The following UBE2E3 variants were observed in gnomAD, a reference collection of about 807,000 sequenced individuals.
UBE2E3 encodes ubiquitin conjugating enzyme E2 E3, also known as ubiquitin-conjugating enzyme E2 E3.
In UBE2E3, 5 loss-of-function variants were observed where a neutral mutation model predicts 23.6. The ratio of observed to expected loss-of-function variants is 0.21; its 90% CI spans 0.11 to 0.44. The LOEUF (loss-of-function observed/expected upper bound fraction) is 0.44. Ranked by LOEUF, UBE2E3 falls within the 20% of genes least tolerant of loss-of-function variation. UBE2E3 has a pLI of 0.99. For missense variants in UBE2E3, 81 were observed against 249.8 expected (o/e 0.32, Z 4.55); for synonymous variants, 78 against 87.5 (o/e 0.89, Z 0.60).
intron 3 of UBE2E3, among the ~76,000 whole-genome samples, chr2:181,041,596 C>T (rs1686507060): frequency 6.6e-6 from 1 of 151,828 alleles, no homozygotes; most frequent in South Asian, 2.1e-4. Context: ...CACCACCATG[C>T]CAGGCTAATT....
At chr2:180,996,182 G>A (rs554117157) in intron 3 of UBE2E3, among the ~76,000 whole-genome samples, 1 of 152,222 alleles carries the variant, frequency 6.6e-6, no homozygotes, top group East Asian at 1.9e-4. Flanking sequence ...GACCTATTTG[G>A]TGTATAACAA....
intron 3 of UBE2E3, among the ~76,000 whole-genome samples, chr2:181,047,392 T>G (rs1192919065): frequency 6.6e-6 from 1 of 152,122 alleles, no homozygotes; most frequent in Non-Finnish European, 1.5e-5. Context: ...CAAATTTATA[T>G]CTATAGGACC....
At chr2:181,032,969 C>G (rs1302905965) in intron 3 of UBE2E3, among the ~76,000 whole-genome samples, 1 of 152,154 alleles carries the variant, frequency 6.6e-6, no homozygotes, top group Admixed American at 6.5e-5. Context: ...ATCCAACTTA[C>G]AAGGGATATG....
chr2:181,033,018 C>G (rs556211326), intron 3 of UBE2E3, among the ~76,000 whole-genome samples: 5 of 151,866 alleles, frequency 3.3e-5, no homozygotes, highest in African/African-American at 4.8e-5. Context: ...CACTGCTCAA[C>G]GAAATAAAAG....
Position 181,060,656 on chromosome 2 carries a change from T to C in UBE2E3, c.379-9T>C, listed in dbSNP as rs1687124037. ...ATTTTCCTTCTGTTTTTAATGTGAC[T>C]GTGCTTAGGTTACTTTCCGCACCAG... On this transcript the variant is annotated splice_polypyrimidine_tract_variant and intron_variant, in intron 4 of 5. Coordinates refer to ENST00000410062, the MANE Select transcript of UBE2E3 (RefSeq NM_006357.4). 1.3e-6 allele frequency: 2 copies of C among 1,586,244 alleles called. No homozygotes were observed. The highest frequency in any genetic ancestry group is 1.7e-6 in the Non-Finnish European group (2 of 1,168,190).
intron 3 of UBE2E3, among the ~76,000 whole-genome samples, chr2:181,016,515 A>G (rs1685497229): frequency 6.6e-6 from 1 of 152,264 alleles, no homozygotes; most frequent in South Asian, 2.1e-4. Context: ...GTAACACCCT[A>G]TGAGGCTGCT....
At chr2:180,990,938 G>T (rs62180083) in intron 3 of UBE2E3, among the ~76,000 whole-genome samples, 35,241 of 152,072 alleles carry the variant, frequency 0.23, 4,453 homozygotes, top group Non-Finnish European at 0.28. Flanking sequence ...AATGCAGAAA[G>T]TTTCATGTTT....
chr2:181,056,581 T>TGAG (rs1164136695), intron 3 of UBE2E3, among the ~76,000 whole-genome samples: 1 of 151,732 alleles, frequency 6.6e-6, no homozygotes, highest in Non-Finnish European at 1.5e-5. Context: ...GACTCACCCC[T>TGAG]GAGGGAGGGC....
intron 3 of UBE2E3, among the ~76,000 whole-genome samples, chr2:181,022,207 T>C (rs373023448): frequency 3.9e-5 from 6 of 152,022 alleles, no homozygotes; most frequent in African/African-American, 1.5e-4. Context: ...TGAATGTTAA[T>C]AGTTATTTTA....
At chr2:180,987,951 G>T (rs1375335720) in intron 3 of UBE2E3, among the ~76,000 whole-genome samples, 1 of 152,100 alleles carries the variant, frequency 6.6e-6, no homozygotes, top group Non-Finnish European at 1.5e-5. Flanking sequence ...ATATAAGTAG[G>T]TTTGAAAAGT....
chr2:180,982,695 A>G (rs1684339837), intron 2 of UBE2E3, among the ~76,000 whole-genome samples: 1 of 152,234 alleles, frequency 6.6e-6, no homozygotes, highest in East Asian at 1.9e-4. Flanking sequence ...CCTTTGCTAT[A>G]TTTGAAAGCA....
intron 3 of UBE2E3, among the ~76,000 whole-genome samples, chr2:181,019,994 C>T (rs933001761): frequency 6.6e-6 from 1 of 152,100 alleles, no homozygotes; most frequent in African/African-American, 2.4e-5. Context: ...CCAATATCTC[C>T]CCATTTCCCC....
intron 3 of UBE2E3, among the ~76,000 whole-genome samples, chr2:181,043,737 A>G (rs1257714736): frequency 6.6e-6 from 1 of 152,166 alleles, no homozygotes; most frequent in Non-Finnish European, 1.5e-5. Flanking sequence ...TACTGTATAC[A>G]CATATACAAA....
chr2:181,022,743 A>C (rs1204829524), intron 3 of UBE2E3, among the ~76,000 whole-genome samples: 1 of 152,262 alleles, frequency 6.6e-6, no homozygotes, highest in South Asian at 2.1e-4. Context: ...AAAAAACAAA[A>C]AAAAAACCCC....
chr2:181,004,424 A>G (rs1229312970), intron 3 of UBE2E3, among the ~76,000 whole-genome samples: 3 of 152,106 alleles, frequency 2.0e-5, no homozygotes, highest in South Asian at 2.1e-4. Flanking sequence ...CACGAGGTCA[A>G]GAGATCGGGA....
chr2:181,030,098 C>T (rs1276087359), intron 3 of UBE2E3, among the ~76,000 whole-genome samples: 2 of 152,082 alleles, frequency 1.3e-5, no homozygotes, highest in Middle Eastern at 6.8e-3. Context: ...TCCCAAAGTG[C>T]TGCGATTACA....
intron 3 of UBE2E3, among the ~76,000 whole-genome samples, chr2:181,020,884 A>ATT (rs2105624345): frequency 6.6e-6 from 1 of 152,294 alleles, no homozygotes; most frequent in Admixed American, 6.5e-5. Context: ...GACTGGATGG[A>ATT]TTAAGTTTTA....
rs564940269 is a variant in UBE2E3, at chr2:181,029,243, C to A, written c.246-28450C>A. Among the ~76,000 whole-genome samples the A allele has an allele frequency of 3.9e-5, 6 of 152,032 alleles. 1 individual carries two copies. In the South Asian group the frequency reaches 1.2e-3, roughly 32 times the overall value. On this transcript the variant is annotated intron_variant, in intron 3 of 5. Coordinates refer to ENST00000410062, the MANE Select transcript of UBE2E3 (RefSeq NM_006357.4). The stretch of plus-strand genomic sequence containing the variant: ...CTATAATTCTAATGAGTCTTGATAT[C>A]TAGTAGGACAAGTATCTGTATTTTC...
intron 3 of UBE2E3, among the ~76,000 whole-genome samples, chr2:181,045,724 C>G (rs747506668): frequency 9.9e-5 from 15 of 152,114 alleles, no homozygotes; most frequent in Non-Finnish European, 2.1e-4. Flanking sequence ...GTAGTAACCA[C>G]ATCAATTAAC....
Sources: allele counts gnomAD v4.1 joint callset (sites outside exome capture counted in the v4.1 genomes callset), GRCh38; gene constraint gnomAD v4.1.1; transcripts MANE v1.5; gene names NCBI Gene and HGNC (gene_info 2026-07-23, HGNC 2026-07-21).